The following ERN1 variants were observed in gnomAD, a reference collection of about 807,000 sequenced individuals.
ERN1 encodes endoplasmic reticulum to nucleus signaling 1, also known as serine/threonine-protein kinase/endoribonuclease IRE1.
In ERN1, 39 loss-of-function variants were observed where a neutral mutation model predicts 113.1. The ratio of observed to expected loss-of-function variants is 0.34; its 90% CI spans 0.27 to 0.45. The LOEUF (loss-of-function observed/expected upper bound fraction) is 0.45, where lower values mean the gene tolerates loss of function less well. ERN1 is among the 20% of genes least tolerant of loss of function. ERN1 has a pLI of 1.00. For missense variants in ERN1, 976 were observed against 1,274.8 expected, an observed-to-expected ratio of 0.77 and a Z score of 3.57; for synonymous variants, 507 against 515.9, an observed-to-expected ratio of 0.98 and a Z score of 0.23.
At chr17:64,110,935 G>A (rs767225545) in intron 1 of ERN1, among the ~76,000 whole-genome samples, 4 of 152,134 alleles carry the variant, frequency 2.6e-5, no homozygotes, top group Admixed American at 6.6e-5. Flanking sequence ...ATGAGGAACC[G>A]GCCAAGAGCG....
chr17:64,116,252 A>G (rs139213468), intron 1 of ERN1, among the ~76,000 whole-genome samples: 12 of 152,262 alleles, frequency 7.9e-5, no homozygotes, highest in East Asian at 1.9e-4. Flanking sequence ...CACAAATCAG[A>G]TAAGTGATTG....
intron 2 of ERN1, among the ~76,000 whole-genome samples, chr17:64,082,831 T>C (rs550656960): frequency 2.5e-4 from 36 of 145,754 alleles, no homozygotes; most frequent in Non-Finnish European, 3.1e-4. Context: ...GACAACTACA[T>C]TGGTGTTTAA....
At chr17:64,128,422 T>C (rs1402459154) in intron 1 of ERN1, among the ~76,000 whole-genome samples, 1 of 152,144 alleles carries the variant, frequency 6.6e-6, no homozygotes, top group Non-Finnish European at 1.5e-5. Context: ...ATTGGAAATA[T>C]TTACACGAAC....
intron 1 of ERN1, among the ~76,000 whole-genome samples, chr17:64,102,507 T>C (rs1270895767): frequency 6.6e-6 from 1 of 152,198 alleles, no homozygotes; most frequent in Non-Finnish European, 1.5e-5. Context: ...AGTGTTATTC[T>C]CTCATAAGGC....
intron 5 of ERN1, among the ~76,000 whole-genome samples, chr17:64,073,048 C>G (rs959862501): frequency 6.7e-5 from 10 of 150,240 alleles, no homozygotes; most frequent in African/African-American, 2.4e-4. Flanking sequence ...CTCTGTCGCC[C>G]AAGGAGGAGT....
rs931182573 is a variant in ERN1, at chr17:64,052,874, A to G, written c.2159T>C (p.Val720Ala). 3 of 1,613,988 alleles carry G rather than the reference A, an allele frequency of 1.9e-6. No individual in the cohort carries two copies. The highest frequency in any genetic ancestry group is 2.2e-5 in the East Asian group (1 of 44,874). The change falls in exon 17 of 22, where the codon GTG (valine) becomes GCG (alanine). Residue 720 changes from valine to alanine, a missense_variant. Around this residue, in one of 5 missense-constraint regions of ERN1, gnomAD observed 297 missense variants for 457.8 expected, o/e 0.65. Coordinates refer to ENST00000433197, the MANE Select transcript of ERN1 (RefSeq NM_001433.5). ...TCGGCGGCTGAAACTGTGTCTGCCCACTGCCAGCTTCTTGCAGAGGCCAAA... is the reference window on the plus strand; with the variant it reads ...TCGGCGGCTGAAACTGTGTCTGCCCGCTGCCAGCTTCTTGCAGAGGCCAAA... ...SDFGLCKKLA[V>A]GRHSFSRRSG...
At chr17:64,048,006 C>G in intron 18 of ERN1, 21 bp from the exon 19 acceptor site, 1 of 1,596,890 alleles carries the variant, frequency 6.3e-7, no homozygotes, top group Non-Finnish European at 8.6e-7. Context: ...GGAAAATAAG[C>G]AACTCATGAC....
intron 1 of ERN1, among the ~76,000 whole-genome samples, chr17:64,104,680 G>A (rs529044926): frequency 5.3e-5 from 8 of 152,140 alleles, no homozygotes; most frequent in Non-Finnish European, 8.8e-5. Context: ...TTAGCCAGGC[G>A]TGGTGGTGCA....
intron 6 of ERN1, among the ~76,000 whole-genome samples, chr17:64,069,120 T>A (rs78898460): frequency 3.3e-5 from 5 of 152,094 alleles, no homozygotes; most frequent in Non-Finnish European, 7.4e-5. Context: ...ATCAACCAAA[T>A]CAAAGTTGAA....
In ERN1 at chr17:64,130,141, C is replaced by G; in HGVS notation, c.-112G>C. 1.0e-6 allele frequency: 1 copy of G among 996,150 alleles called. No individual in the cohort carries two copies. The highest frequency in any genetic ancestry group is 1.3e-6 in the Non-Finnish European group (1 of 763,522). The allele number at this position is 996,150 out of a possible 1,614,324, so 61.7% of individuals were successfully genotyped here. A position where few individuals can be genotyped will look rare whatever the true frequency, so the allele number is the denominator to read the frequency against. The stretch of plus-strand genomic sequence containing the variant: ...CTCAGCGGACGCAGAACTGACTAGG[C>G]AGCGGCGGCACCCCCATTCCCGGCC... On this transcript the variant is annotated 5_prime_UTR_variant, in exon 1 of 22. Transcript: ENST00000433197. This position sits in a 1 kb window ranked among gnomAD's most constrained non-coding sequence, Gnocchi z 4.0.
chr17:64,105,047 A>G (rs552591743), intron 1 of ERN1, among the ~76,000 whole-genome samples: 2 of 152,330 alleles, frequency 1.3e-5, no homozygotes, highest in African/African-American at 4.8e-5. Context: ...ACGATTGTGA[A>G]CAAGAGAGTC....
intron 1 of ERN1, among the ~76,000 whole-genome samples, chr17:64,102,520 A>G (rs1482781383): frequency 6.6e-6 from 1 of 152,228 alleles, no homozygotes; most frequent in Non-Finnish European, 1.5e-5. Flanking sequence ...CATAAGGCAA[A>G]CAAAAATGAC....
intron 2 of ERN1, among the ~76,000 whole-genome samples, chr17:64,089,364 TG>T (rs1256683008): frequency 7.8e-6 from 1 of 128,646 alleles, no homozygotes; most frequent in East Asian, 2.2e-4. Flanking sequence ...TGACACAGGG[TG>T]AGCATCCCAA....
At chr17:64,074,931 C>A (rs566046005) in intron 5 of ERN1, 2 of 493,722 alleles carry the variant, frequency 4.1e-6, no homozygotes, top group Non-Finnish European at 7.1e-6. Context: ...AGGACTAAGT[C>A]AACACAGCAA....
chr17:64,124,660 C>T (rs1915034609), intron 1 of ERN1, among the ~76,000 whole-genome samples: 1 of 152,156 alleles, frequency 6.6e-6, no homozygotes, highest in Non-Finnish European at 1.5e-5. Context: ...AACTGTAAGT[C>T]CATTAAACCT....
rs1303006404 is a variant in ERN1, at chr17:64,089,772, T to C, written c.175+8349A>G. 2.0e-5 allele frequency among the ~76,000 whole-genome samples: 3 copies of C among 151,906 alleles called. No individual in the cohort carries two copies. In the South Asian group the frequency reaches 6.2e-4, roughly 31 times the overall value. ...CTGAGCCCTGTCTAGATAAATGCAGTGGGAGAAAGGAACGATTTAAAGGTG... is the reference window on the plus strand; with the variant it reads ...CTGAGCCCTGTCTAGATAAATGCAGCGGGAGAAAGGAACGATTTAAAGGTG... On this transcript the variant is annotated intron_variant, in intron 2 of 21. Coordinates refer to ENST00000433197, the MANE Select transcript of ERN1 (RefSeq NM_001433.5).
intron 2 of ERN1, among the ~76,000 whole-genome samples, chr17:64,083,311 A>C (rs966176887): frequency 1.3e-5 from 2 of 152,214 alleles, no homozygotes; most frequent in African/African-American, 4.8e-5. Flanking sequence ...AAAGAGCATT[A>C]TCTGAAAATG....
Position 64,040,969 on chromosome 17 carries a change from C to A in ERN1, c.*3019G>T, listed in dbSNP as rs796587021. ...GACCATCCTGCCTAACATGGGGAAA[C>A]CCCGTCTCTACTAAAAAAAATATAA... On this transcript the variant is annotated 3_prime_UTR_variant, in exon 22 of 22. Transcript: ENST00000433197. 2.0e-5 allele frequency: 3 copies of A among 152,184 alleles called. No individual in the cohort carries two copies. The highest frequency in any genetic ancestry group is 7.2e-5 in the African/African-American group (3 of 41,514). 9.4% of individuals were successfully genotyped at this position (152,184 alleles called of 1,614,324 possible).
intron 17 of ERN1, among the ~76,000 whole-genome samples, chr17:64,052,270 T>G: frequency 6.6e-6 from 1 of 152,274 alleles, no homozygotes; most frequent in South Asian, 2.1e-4. Flanking sequence ...ATTTTAAAAA[T>G]AATGAAAACT....
Sources: allele counts gnomAD v4.1 joint callset (sites outside exome capture counted in the v4.1 genomes callset), GRCh38; gene constraint gnomAD v4.1.1; regional missense constraint gnomAD v4.1.1; non-coding constraint Gnocchi (gnomAD v3.1); transcripts MANE v1.5; gene names NCBI Gene and HGNC (gene_info 2026-07-23, HGNC 2026-07-21).